The following ANKRD31 variants were observed in gnomAD, a reference collection of about 807,000 sequenced individuals.
ANKRD31 encodes the protein ankyrin repeat domain 31.
Under a neutral mutation model 186.0 loss-of-function variants are expected in ANKRD31, and 147 were observed. The observed-to-expected ratio is 0.79, with a 90% CI of 0.69 to 0.91. ANKRD31 has a LOEUF of 0.91. Among genes scored for constraint, ANKRD31 ranks in the 40% least tolerant of loss-of-function variants. ANKRD31 has a pLI of 0.00. For synonymous variants in ANKRD31, 673 were observed against 736.4 expected (o/e 0.91, Z 1.39); for missense variants, 1,986 against 2,148.8 (o/e 0.92, Z 1.50).
intron 12 of ANKRD31, among the ~76,000 whole-genome samples, chr5:75,151,745 G>T (rs1485723713): frequency 1.3e-5 from 2 of 151,970 alleles, no homozygotes; most frequent in African/African-American, 4.8e-5. Context: ...TTATCAAAGG[G>T]TTTGTGTTGA....
At position 75,137,867 on chromosome 5, in the gene ANKRD31, T is replaced by C. The variant is rs934307763; in HGVS notation, c.3865A>G (p.Asn1289Asp). 6.6e-7 allele frequency: 1 copy of C among 1,524,300 alleles called. No individual in the cohort carries two copies. The highest frequency in any genetic ancestry group is 1.4e-5 in the African/African-American group (1 of 72,472). 94.4% of individuals were successfully genotyped at this position (1,524,300 alleles called of 1,614,324 possible). The change falls in exon 17 of 26, where the codon AAT becomes GAT. Residue 1289 changes from asparagine (N) to aspartate (D), a missense_variant. Physicochemically the swap from Asn to Asp is conservative, Grantham distance 23 (BLOSUM62 1). Coordinates refer to ENST00000506364, the MANE Select transcript of ANKRD31 (RefSeq NM_001372053.1). Reference protein sequence around the residue: ...ILPLHDAVANNHLKAAEILLQ... With the variant: ...ILPLHDAVANDHLKAAEILLQ... ...GATGTGCACTGTACCTTTAAATGAT[T>C]GTTTGCAACAGCATCATGTAAGGGC...
At chr5:75,226,620 A>C (rs1297832437) in intron 2 of ANKRD31, among the ~76,000 whole-genome samples, 1 of 152,238 alleles carries the variant, frequency 6.6e-6, no homozygotes, top group East Asian at 1.9e-4. Flanking sequence ...CTGAACACAC[A>C]TGTCTCAAAA....
chr5:75,192,420 A>AG (rs1227018674), intron 9 of ANKRD31, among the ~76,000 whole-genome samples: 7 of 152,180 alleles, frequency 4.6e-5, no homozygotes, highest in Non-Finnish European at 7.3e-5. Context: ...ATTTAAAAAG[A>AG]GGTCTGTAAC....
At chr5:75,097,411 T>G (rs1746418546) in intron 22 of ANKRD31, among the ~76,000 whole-genome samples, 1 of 152,222 alleles carries the variant, frequency 6.6e-6, no homozygotes, top group Non-Finnish European at 1.5e-5. Flanking sequence ...TGATGGCCAG[T>G]GATGATGAGC....
chr5:75,166,619 C>G (rs992218822), intron 11 of ANKRD31, among the ~76,000 whole-genome samples: 16 of 152,152 alleles, frequency 1.1e-4, no homozygotes, highest in African/African-American at 3.9e-4. Flanking sequence ...CCCATACACT[C>G]ACAGATTACA....
rs1194850206 is a variant in ANKRD31 at position 75,115,127 on chromosome 5, T to C, written c.4155+1439A>G. Among the ~76,000 whole-genome samples, 349 of 151,222 alleles carry C rather than the reference T, an allele frequency of 2.3e-3. 1 individual carries two copies. Among genetic ancestry groups the C allele is most frequent in the African/African-American group, 7.5e-3 (308 of 41,174 alleles). ...TGCATATCTACAACTATCTGATCTT[T>C]GACAAACCTGAGAAAAACAAGCAAT... is the stretch of plus-strand genomic sequence containing the variant. On this transcript the variant is annotated intron_variant, in intron 19 of 25. Transcript: ENST00000506364.
At position 75,104,650 on chromosome 5, in the gene ANKRD31, G is replaced by A. The variant is rs572857731; in HGVS notation, c.4909C>T (p.Pro1637Ser). 4 of 1,536,008 alleles carry A rather than the reference G, an allele frequency of 2.6e-6. No homozygotes were observed. Among genetic ancestry groups the A allele is most frequent in the Admixed American group, 3.9e-5 (2 of 50,816 alleles). Residue 1637 changes from proline to serine, a missense_variant, in exon 22 of 26, where the codon CCA becomes TCA. By Grantham distance (74) the Pro-to-Ser change is moderately conservative. Coordinates refer to ENST00000506364, the MANE Select transcript of ANKRD31 (RefSeq NM_001372053.1). ...GAAATATTTAATTTGCCGATTACTG[G>A]GGAAGAAACATAGAATTCATGGTCT... ...DKDHEFYVSS[P>S]VIGKLNISET...
rs149903652 is a variant in ANKRD31, at chr5:75,120,853, T to C, written c.3877-2556A>G. ...GGATTTTTAAAATGAACCAACTATA[T>C]GCTGCCCACAAGAAACTCACTTTAC... is the stretch of plus-strand genomic sequence containing the variant. On this transcript the variant is annotated intron_variant, in intron 17 of 25. Coordinates refer to ENST00000506364, the MANE Select transcript of ANKRD31 (RefSeq NM_001372053.1). Among the ~76,000 whole-genome samples the C allele has an allele frequency of 2.2e-4, 34 of 152,290 alleles. No individual in the cohort carries two copies. The South Asian group carries it at 6.2e-3, about 28-fold the overall frequency.
intron 1 of ANKRD31, among the ~76,000 whole-genome samples, chr5:75,234,169 T>C (rs1580610665): frequency 6.6e-6 from 1 of 152,150 alleles, no homozygotes; most frequent in South Asian, 2.1e-4. Flanking sequence ...ACTGTAAACT[T>C]GTACAAATTG....
rs567847322 is a variant in ANKRD31, at chr5:75,126,560, T to C, written c.3877-8263A>G. On this transcript the variant is annotated intron_variant, in intron 17 of 25. Transcript: ENST00000506364. ...TGCTATCCACATTCTAGTACAAGTC[T>C]TTGTGTGGACAAAAAGCTTTCATTT... Among the ~76,000 whole-genome samples, 7 of 152,344 alleles carry C rather than the reference T, an allele frequency of 4.6e-5. No homozygotes were observed. The South Asian group carries it at 1.4e-3, about 32-fold the overall frequency.
chr5:75,179,597 C>T (rs577948607), intron 10 of ANKRD31, among the ~76,000 whole-genome samples: 131 of 152,108 alleles, frequency 8.6e-4, no homozygotes, highest in Non-Finnish European at 1.7e-3. Flanking sequence ...AATCAATAAA[C>T]GTAATCCATC....
At chr5:75,209,487 G>A (rs1326848874) in intron 4 of ANKRD31, among the ~76,000 whole-genome samples, 2 of 132,800 alleles carry the variant, frequency 1.5e-5, no homozygotes, top group Non-Finnish European at 3.3e-5. Context: ...GACCAGCATG[G>A]CCAACATGGC....
At chr5:75,175,743 T>C (rs1247262116) in intron 10 of ANKRD31, among the ~76,000 whole-genome samples, 2 of 151,658 alleles carry the variant, frequency 1.3e-5, no homozygotes, top group Non-Finnish European at 2.9e-5. Context: ...AAACACACTG[T>C]TGGTTGGGGT....
intron 10 of ANKRD31, among the ~76,000 whole-genome samples, chr5:75,173,771 C>T (rs1034888761): frequency 1.4e-4 from 21 of 151,948 alleles, no homozygotes; most frequent in Non-Finnish European, 2.1e-4. Context: ...CTCATGGATA[C>T]GACAAATCAA....
chr5:75,115,266 A>T (rs1249943152), intron 19 of ANKRD31, among the ~76,000 whole-genome samples: 3 of 151,338 alleles, frequency 2.0e-5, no homozygotes, highest in African/African-American at 4.9e-5. Context: ...TTCAAGATGG[A>T]TTAAAGACTT....
At position 75,144,101 on chromosome 5, in the gene ANKRD31, TTTTTC is replaced by T. The variant is rs1337001575; in HGVS notation, c.3490_3494del (p.Glu1164AsnfsTer10). ...TAGGCATGTGAATTTCTGACTCCGTTTTTTCTTTTATCTCCTCACAATTTCTTATA... is the reference window on the plus strand; with the variant it reads ...TAGGCATGTGAATTTCTGACTCCGTTTTTTATCTCCTCACAATTTCTTATA... On this transcript the variant is annotated frameshift_variant, in exon 15 of 26. Coordinates refer to ENST00000506364, the MANE Select transcript of ANKRD31 (RefSeq NM_001372053.1). LOFTEE classifies it high-confidence loss of function. 3 of 397,442 alleles carry T rather than the reference TTTTTC, an allele frequency of 7.5e-6. No individual in the cohort carries two copies. Among genetic ancestry groups the T allele is most frequent in the African/African-American group, 6.2e-5 (3 of 48,570 alleles). The allele number at this position is 397,442 out of a possible 1,614,324, so 24.6% of individuals were successfully genotyped here.
At position 75,102,872 on chromosome 5, in the gene ANKRD31, G is replaced by GCACTTTCCTGGTGAGGTGATGCCC. The variant is rs1293644575; in HGVS notation, c.5331+1332_5331+1355dup. Reference sequence around the variant, plus strand: ...AGGAAAGGGAATTCCCGGACCCCTTGCACTTTCCTGGTGAGGTGATGCCCC... The same window carrying GCACTTTCCTGGTGAGGTGATGCCC: ...AGGAAAGGGAATTCCCGGACCCCTTGCACTTTCCTGGTGAGGTGATGCCCCACTTTCCTGGTGAGGTGATGCCCC... On this transcript the variant is annotated intron_variant, in intron 22 of 25. Transcript: ENST00000506364. Among the ~76,000 whole-genome samples, 33 of 152,292 alleles carry GCACTTTCCTGGTGAGGTGATGCCC rather than the reference G, an allele frequency of 2.2e-4. No homozygotes were observed. In the South Asian group the frequency reaches 6.8e-3, roughly 32 times the overall value.
At chr5:75,221,379 A>G (rs755558007) in intron 3 of ANKRD31, among the ~76,000 whole-genome samples, 2 of 152,240 alleles carry the variant, frequency 1.3e-5, no homozygotes, top group African/African-American at 4.8e-5. Context: ...AGGCACATAC[A>G]TATACATACA....
At chr5:75,093,357 C>T (rs1746075973) in intron 22 of ANKRD31, among the ~76,000 whole-genome samples, 1 of 152,064 alleles carries the variant, frequency 6.6e-6, no homozygotes, top group Non-Finnish European at 1.5e-5. Context: ...TGGCAAGCTC[C>T]TGTAATTCCA....
Sources: gnomAD v4.1 joint callset for allele counts (sites outside exome capture counted in the v4.1 genomes callset) on GRCh38, gnomAD v4.1.1 for gene constraint, MANE v1.5 for transcripts, NCBI Gene and HGNC (gene_info 2026-07-23, HGNC 2026-07-21) for gene names.